LRRTM4: variants seen among roughly 807,000 people sequenced by gnomAD.
LRRTM4 encodes leucine rich repeat transmembrane neuronal 4.
Under a neutral mutation model 47.6 loss-of-function variants are expected in LRRTM4, and 25 were observed. That is an observed-to-expected ratio of 0.53 (90% CI 0.38 to 0.73). The LOEUF (loss-of-function observed/expected upper bound fraction) is 0.73, where lower values mean the gene tolerates loss of function less well. Ranked by LOEUF, LRRTM4 falls within the 30% of genes least tolerant of loss-of-function variation. LRRTM4 has a pLI of 0.00. For missense variants in LRRTM4, 638 were observed against 713.4 expected (o/e 0.89, Z 1.20); for synonymous variants, 311 against 269.5 (o/e 1.15, Z -1.51).
intron 3 of LRRTM4, among the ~76,000 whole-genome samples, chr2:76,850,999 T>C (rs776750772): frequency 6.6e-6 from 1 of 152,200 alleles, no homozygotes; most frequent in Non-Finnish European, 1.5e-5. Context: ...AAAGCTCCGA[T>C]TGATTTTGGC....
intron 3 of LRRTM4, among the ~76,000 whole-genome samples, chr2:77,401,905 C>A (rs1265729811): frequency 6.6e-6 from 1 of 151,918 alleles, no homozygotes; most frequent in Non-Finnish European, 1.5e-5. Flanking sequence ...CTGAGAATCT[C>A]TGGTGGATTT....
At chr2:77,087,485 ACC>A (rs1680756701) in intron 3 of LRRTM4, among the ~76,000 whole-genome samples, 13 of 152,246 alleles carry the variant, frequency 8.5e-5, no homozygotes, top group African/African-American at 3.1e-4. Flanking sequence ...AACCCAGAAC[ACC>A]TGGCTGAAAG....
chr2:76,974,443 C>T (rs72823131), intron 3 of LRRTM4, among the ~76,000 whole-genome samples: 3,482 of 150,742 alleles, frequency 0.023, 85 homozygotes, highest in East Asian at 0.083. Flanking sequence ...ATTATTGTTA[C>T]AACATATGGA....
chr2:77,154,553 ATAGT>A (rs1242799980), intron 3 of LRRTM4, among the ~76,000 whole-genome samples: 1 of 152,184 alleles, frequency 6.6e-6, no homozygotes, highest in Non-Finnish European at 1.5e-5. Flanking sequence ...GTATTTATAG[ATAGT>A]AATTTTCCAA....
In LRRTM4 at chr2:76,804,272, A is replaced by C. The variant is rs145287960; in HGVS notation, c.1552-55356T>G. Among the ~76,000 whole-genome samples, 130 of 152,184 alleles carry C rather than the reference A, an allele frequency of 8.5e-4. 1 individual carries two copies. Among genetic ancestry groups the C allele is most frequent in the Middle Eastern group, 6.8e-3 (2 of 294 alleles). Reference sequence around the variant, plus strand: ...ATTCTATTGTATTCTGAGATTTTTTAATTTGTTATTTCTCAAGAATCCTTT... The same window carrying C: ...ATTCTATTGTATTCTGAGATTTTTTCATTTGTTATTTCTCAAGAATCCTTT... On this transcript the variant is annotated intron_variant, in intron 3 of 3. Transcript: ENST00000409884.
intron 3 of LRRTM4, among the ~76,000 whole-genome samples, chr2:76,911,939 G>C (rs571186072): frequency 2.3e-4 from 23 of 101,664 alleles, no homozygotes; most frequent in Middle Eastern, 0.01. Flanking sequence ...GCTTTTTGGG[G>C]GGGGGGGGGG....
intron 3 of LRRTM4, among the ~76,000 whole-genome samples, chr2:77,259,274 A>G (rs890442712): frequency 6.6e-6 from 1 of 152,164 alleles, no homozygotes; most frequent in South Asian, 2.1e-4. Flanking sequence ...TCTCAAAAAC[A>G]TCTTTTAAAC....
chr2:77,439,022 A>G (rs1183835824), intron 3 of LRRTM4, among the ~76,000 whole-genome samples: 2 of 152,192 alleles, frequency 1.3e-5, no homozygotes, highest in African/African-American at 2.4e-5. Context: ...CAAGTTATTC[A>G]AGTCAAAGAG....
chr2:76,758,588 G>A (rs1050388809), intron 3 of LRRTM4, among the ~76,000 whole-genome samples: 2 of 152,086 alleles, frequency 1.3e-5, no homozygotes, highest in Non-Finnish European at 2.9e-5. Flanking sequence ...TATTCTGATT[G>A]AATATATTTT....
At chr2:77,167,400 G>A (rs947120404) in intron 3 of LRRTM4, among the ~76,000 whole-genome samples, 3 of 152,046 alleles carry the variant, frequency 2.0e-5, no homozygotes, top group African/African-American at 4.8e-5. Context: ...GTGGAGATTC[G>A]TCAAGGATCT....
intron 3 of LRRTM4, among the ~76,000 whole-genome samples, chr2:76,775,733 GCTCATTT>G (rs1302621876): frequency 1.3e-5 from 2 of 151,822 alleles, no homozygotes; most frequent in African/African-American, 4.8e-5. Context: ...AAATCTTGGT[GCTCATTT>G]CTCTCTCTTT....
At chr2:76,988,214 G>T (rs1471709632) in intron 3 of LRRTM4, among the ~76,000 whole-genome samples, 1 of 151,596 alleles carries the variant, frequency 6.6e-6, no homozygotes, top group Non-Finnish European at 1.5e-5. Flanking sequence ...TTTTGTCATT[G>T]ATATTGATAA....
intron 3 of LRRTM4, among the ~76,000 whole-genome samples, chr2:76,859,538 C>T (rs1047186969): frequency 1.7e-4 from 26 of 152,194 alleles, no homozygotes; most frequent in Non-Finnish European, 3.4e-4. Flanking sequence ...ATTTAGAAGT[C>T]ACTTTAATTC....
At chr2:77,264,338 G>A (rs1264738257) in intron 3 of LRRTM4, among the ~76,000 whole-genome samples, 1 of 152,076 alleles carries the variant, frequency 6.6e-6, no homozygotes, top group Non-Finnish European at 1.5e-5. Context: ...GAGAGAGAGA[G>A]AGAAAGTACA....
chr2:77,435,492 C>G (rs188062203), intron 3 of LRRTM4, among the ~76,000 whole-genome samples: 9 of 152,130 alleles, frequency 5.9e-5, no homozygotes, highest in Admixed American at 5.9e-4. Flanking sequence ...ATTCAATATC[C>G]AATTTATATA....
intron 3 of LRRTM4, among the ~76,000 whole-genome samples, chr2:76,979,719 T>C (rs1027322871): frequency 2.0e-5 from 3 of 151,572 alleles, no homozygotes; most frequent in Admixed American, 6.6e-5. Flanking sequence ...GATAGATAGA[T>C]AGATAGATGC....
intron 3 of LRRTM4, among the ~76,000 whole-genome samples, chr2:77,159,765 G>C (rs1029670900): frequency 6.6e-6 from 1 of 151,924 alleles, no homozygotes; most frequent in Non-Finnish European, 1.5e-5. Flanking sequence ...CTCTATGGAA[G>C]TACATCATGA....
At chr2:77,379,130 G>A (rs1672951708) in intron 3 of LRRTM4, among the ~76,000 whole-genome samples, 1 of 151,894 alleles carries the variant, frequency 6.6e-6, no homozygotes, top group Admixed American at 6.6e-5. Flanking sequence ...CATCTAATAT[G>A]TATTTCTTTC....
intron 3 of LRRTM4, among the ~76,000 whole-genome samples, chr2:76,788,100 C>G (rs188548389): frequency 1.5e-3 from 223 of 152,188 alleles, no homozygotes; most frequent in Non-Finnish European, 2.8e-3. Flanking sequence ...ATTCTTGATT[C>G]TTAGTGCTCT....
Sources: allele counts gnomAD v4.1 joint callset (sites outside exome capture counted in the v4.1 genomes callset), GRCh38; gene constraint gnomAD v4.1.1; transcripts MANE v1.5; gene names NCBI Gene and HGNC (gene_info 2026-07-23, HGNC 2026-07-21).